CNTN5: variants seen among roughly 807,000 people sequenced by gnomAD.
The protein encoded by CNTN5 is contactin 5.
A neutral mutation model predicts 129.1 loss-of-function variants in CNTN5; 77 were observed. That is an observed-to-expected ratio of 0.60 (90% confidence interval 0.50 to 0.72). The LOEUF (loss-of-function observed/expected upper bound fraction) is 0.72, where lower values mean the gene tolerates loss of function less well. CNTN5 is among the 30% of genes least tolerant of loss of function. The pLI, the probability that CNTN5 is intolerant of heterozygous loss-of-function variation, is 0.00. For missense variants in CNTN5, 1,478 were observed against 1,328.8 expected, an observed-to-expected ratio of 1.11 and a Z score of -1.75; for synonymous variants, 509 against 465.6, an observed-to-expected ratio of 1.09 and a Z score of -1.20.
At chr11:100,070,394 C>A (rs371392369) in intron 10 of CNTN5, 30 bp from the exon 11 acceptor site, 6 of 1,575,438 alleles carry the variant, frequency 3.8e-6, no homozygotes, top group Non-Finnish European at 5.2e-6. Flanking sequence ...GAAATGAAAT[C>A]ATCCTTGTTT....
chr11:99,704,057 ATGTGTG>A (rs35620598), intron 3 of CNTN5, among the ~76,000 whole-genome samples: 4 of 148,120 alleles, frequency 2.7e-5, no homozygotes, highest in Admixed American at 2.0e-4. Flanking sequence ...ATATATATAT[ATGTGTG>A]TGTGTGTATG....
At chr11:99,861,819 T>C (rs1323802108) in intron 6 of CNTN5, among the ~76,000 whole-genome samples, 1 of 152,178 alleles carries the variant, frequency 6.6e-6, no homozygotes, top group Non-Finnish European at 1.5e-5. Context: ...TTAGGGATAT[T>C]CAAATATTCT....
At chr11:99,809,590 A>G (rs1946370747) in intron 3 of CNTN5, among the ~76,000 whole-genome samples, 2 of 152,122 alleles carry the variant, frequency 1.3e-5, no homozygotes, top group Non-Finnish European at 2.9e-5. Flanking sequence ...CCAGAATTGA[A>G]TGAGTACACC....
At chr11:99,818,008 A>C (rs564397912) in intron 3 of CNTN5, among the ~76,000 whole-genome samples, 8 of 152,188 alleles carry the variant, frequency 5.3e-5, no homozygotes, top group Non-Finnish European at 1.2e-4. Context: ...TTAGAGTTTC[A>C]GAGAAATCAT....
chr11:99,080,592 T>G (rs1865751501), intron 1 of CNTN5, among the ~76,000 whole-genome samples: 1 of 152,156 alleles, frequency 6.6e-6, no homozygotes, highest in Admixed American at 6.5e-5. Flanking sequence ...TTAACAGATT[T>G]ACCTCAGCCA....
chr11:99,827,042 C>G (rs1946983245), intron 4 of CNTN5, among the ~76,000 whole-genome samples: 1 of 152,032 alleles, frequency 6.6e-6, no homozygotes, highest in African/African-American at 2.4e-5. Context: ...TATATTTGGT[C>G]AGAGCAGCTG....
At chr11:99,813,960 C>T (rs1946506198) in intron 3 of CNTN5, among the ~76,000 whole-genome samples, 2 of 151,866 alleles carry the variant, frequency 1.3e-5, no homozygotes, top group South Asian at 4.2e-4. Context: ...ATACTTTTAC[C>T]ATATACAGCA....
At chr11:99,168,208 T>C (rs1167905527) in intron 1 of CNTN5, among the ~76,000 whole-genome samples, 1 of 152,142 alleles carries the variant, frequency 6.6e-6, no homozygotes, top group Non-Finnish European at 1.5e-5. Context: ...CCTTCCAAAG[T>C]GCTGGAATTA....
chr11:99,372,652 G>A (rs1939892688), intron 2 of CNTN5, among the ~76,000 whole-genome samples: 1 of 151,978 alleles, frequency 6.6e-6, no homozygotes, highest in Admixed American at 6.6e-5. Flanking sequence ...AGTGCCTAAT[G>A]AAGCTATAGA....
chr11:100,180,884 CAACTAA>C (rs1266395287), intron 13 of CNTN5, among the ~76,000 whole-genome samples: 1 of 151,838 alleles, frequency 6.6e-6, no homozygotes, highest in African/African-American at 2.4e-5. Context: ...CAAAACAAAA[CAACTAA>C]AACATCACCC....
chr11:100,123,707 G>A (rs185806605), intron 13 of CNTN5, among the ~76,000 whole-genome samples: 1 of 152,048 alleles, frequency 6.6e-6, no homozygotes, highest in Non-Finnish European at 1.5e-5. Context: ...ATCTAGCTTT[G>A]AGTACTAATA....
At chr11:99,659,382 A>C (rs2135911054) in intron 3 of CNTN5, among the ~76,000 whole-genome samples, 1 of 152,270 alleles carries the variant, frequency 6.6e-6, no homozygotes, top group Non-Finnish European at 1.5e-5. Flanking sequence ...AAACATAACA[A>C]ATTTTATGTT....
intron 13 of CNTN5, among the ~76,000 whole-genome samples, chr11:100,099,266 AT>A (rs1456959980): frequency 1.3e-5 from 2 of 151,972 alleles, no homozygotes; most frequent in African/African-American, 4.8e-5. Context: ...TTTGCCCAGG[AT>A]TATGTCAGTT....
At chr11:100,179,802 G>T (rs1361968381) in intron 13 of CNTN5, among the ~76,000 whole-genome samples, 1 of 151,932 alleles carries the variant, frequency 6.6e-6, no homozygotes, top group Non-Finnish European at 1.5e-5. Flanking sequence ...AAATAACAAA[G>T]GAAATTTATA....
At chr11:99,196,001 G>T (rs1858883595) in intron 1 of CNTN5, among the ~76,000 whole-genome samples, 1 of 151,884 alleles carries the variant, frequency 6.6e-6, no homozygotes, top group African/African-American at 2.4e-5. Context: ...ACTAATGCTT[G>T]TGGTGTCACA....
At chr11:99,560,212 A>G (rs937652086) in intron 3 of CNTN5, among the ~76,000 whole-genome samples, 2 of 151,714 alleles carry the variant, frequency 1.3e-5, no homozygotes, top group Admixed American at 1.3e-4. Flanking sequence ...AAAAATATAT[A>G]GTAGTAGGTC....
At chr11:99,658,585 C>G (rs2250400) in intron 3 of CNTN5, among the ~76,000 whole-genome samples, 102,015 of 151,502 alleles carry the variant, frequency 0.67, 35,229 homozygotes, top group Admixed American at 0.78. Context: ...TAAATGTAAC[C>G]AGTGGGCCTA....
intron 1 of CNTN5, among the ~76,000 whole-genome samples, chr11:99,034,220 C>A (rs543415456): frequency 6.6e-6 from 1 of 152,282 alleles, no homozygotes; most frequent in South Asian, 2.1e-4. Context: ...GGATATTGGT[C>A]TAAAACTCTC....
intron 3 of CNTN5, among the ~76,000 whole-genome samples, chr11:99,665,407 AATG>A (rs1420282222): frequency 6.6e-6 from 1 of 151,990 alleles, no homozygotes; most frequent in Non-Finnish European, 1.5e-5. Context: ...AATACACATT[AATG>A]ATACTATAGG....
Sources: allele counts gnomAD v4.1 joint callset (sites outside exome capture counted in the v4.1 genomes callset), GRCh38; gene constraint gnomAD v4.1.1; transcripts MANE v1.5; gene names NCBI Gene and HGNC (gene_info 2026-07-23, HGNC 2026-07-21).